The following NAALADL2 variants were observed in gnomAD, a reference collection of about 807,000 sequenced individuals.
NAALADL2 encodes N-acetylated alpha-linked acidic dipeptidase like 2.
Under a neutral mutation model 87.2 loss-of-function variants are expected in NAALADL2, and 76 were observed. The ratio of observed to expected loss-of-function variants is 0.87; its 90% CI spans 0.72 to 1.05. The LOEUF (loss-of-function observed/expected upper bound fraction) is 1.05. Among genes scored for constraint, NAALADL2 ranks in the 50% least tolerant of loss-of-function variants. NAALADL2 has a pLI of 0.00. For synonymous variants in NAALADL2, 354 were observed against 331.0 expected, an observed-to-expected ratio of 1.07 and a Z score of -0.75; for missense variants, 1,089 against 945.8, an observed-to-expected ratio of 1.15 and a Z score of -1.99.
chr3:175,691,475 A>G (rs1737038035), intron 11 of NAALADL2, among the ~76,000 whole-genome samples: 1 of 151,778 alleles, frequency 6.6e-6, no homozygotes, highest in African/African-American at 2.4e-5. Context: ...TTTGGTACCT[A>G]AAGATATTAC....
intron 2 of NAALADL2, among the ~76,000 whole-genome samples, chr3:175,197,265 G>C (rs35963817): frequency 1.3e-5 from 2 of 151,766 alleles, no homozygotes; most frequent in African/African-American, 4.8e-5. Flanking sequence ...ATAAGCCCGC[G>C]TAGAGTCCGT....
intron 3 of NAALADL2, among the ~76,000 whole-genome samples, chr3:174,829,094 TTTTTTG>T (rs1392697267): frequency 2.3e-3 from 329 of 145,132 alleles, no homozygotes; most frequent in East Asian, 0.013. Flanking sequence ...ACATCTGTTT[TTTTTTG>T]TTGTTGTTGT....
At chr3:175,023,243 G>A (rs1215791427) in intron 1 of NAALADL2, among the ~76,000 whole-genome samples, 1 of 145,832 alleles carries the variant, frequency 6.9e-6, no homozygotes, top group Non-Finnish European at 1.5e-5. Context: ...TATCCATTGG[G>A]GATAAATAAA....
At chr3:175,622,120 T>C (rs912612260) in intron 10 of NAALADL2, among the ~76,000 whole-genome samples, 7 of 152,212 alleles carry the variant, frequency 4.6e-5, no homozygotes, top group African/African-American at 1.7e-4. Flanking sequence ...AATTTTCTGA[T>C]ATGTATTAAC....
At chr3:174,509,400 CTTTCTT>C (rs1719439677) in intron 1 of NAALADL2, among the ~76,000 whole-genome samples, 1 of 77,308 alleles carries the variant, frequency 1.3e-5, no homozygotes. Flanking sequence ...CTCTTCCTTT[CTTTCTT>C]TTTTTTTTTT....
chr3:175,326,326 A>C (rs552523315), intron 5 of NAALADL2, among the ~76,000 whole-genome samples: 3 of 152,134 alleles, frequency 2.0e-5, no homozygotes, highest in Non-Finnish European at 4.4e-5. Flanking sequence ...ATGACCATTT[A>C]AGTAATCTCT....
chr3:175,310,719 C>A (rs977974610), intron 4 of NAALADL2, among the ~76,000 whole-genome samples: 22 of 151,684 alleles, frequency 1.5e-4, no homozygotes, highest in Admixed American at 1.4e-3. Context: ...GAGGTTCATG[C>A]ATGTCACTAT....
chr3:174,652,680 A>C (rs765912789), intron 2 of NAALADL2, among the ~76,000 whole-genome samples: 1 of 152,318 alleles, frequency 6.6e-6, no homozygotes, highest in African/African-American at 2.4e-5. Flanking sequence ...GCTATAGTGC[A>C]TGGTGAGATT....
rs1160338109 is a variant in NAALADL2, at chr3:174,797,305, C to CTTTTTTTTTTTTTTTTTT, written c.-9+59566_-9+59583dup. Reference sequence around the variant, plus strand: ...CTTTTTTCTTTTGTTTTTCTTTTTTCTTTTTTTTTTTTTTTTTTTTTTTTG... The same window carrying CTTTTTTTTTTTTTTTTTT: ...CTTTTTTCTTTTGTTTTTCTTTTTTCTTTTTTTTTTTTTTTTTTTTTTTTTTTTTTTTTTTTTTTTTTG... On this transcript the variant is annotated intron_variant, in intron 3 of 3. Coordinates refer to the NAALADL2 transcript ENST00000434257. Among the ~76,000 whole-genome samples the CTTTTTTTTTTTTTTTTTT allele has an allele frequency of 1.1e-3, 83 of 72,708 alleles. 2 individuals are homozygous for CTTTTTTTTTTTTTTTTTT. Among genetic ancestry groups the CTTTTTTTTTTTTTTTTTT allele is most frequent in the African/African-American group, 1.2e-3 (17 of 14,130 alleles). The allele number at this position is 72,708 out of a possible 152,430, so 47.7% of individuals were successfully genotyped here.
Position 174,787,604 on chromosome 3 carries a change from T to TATATATATATATATATACACACAC in NAALADL2, c.-9+49875_-9+49876insCACACACATATATATATATATATA. ...ATATATATATATATATATATATATA[T>TATATATATATATATATACACACAC]ATATATATATATATATAGTAGTGAC... On this transcript the variant is annotated intron_variant, in intron 3 of 3. Transcript: ENST00000434257. 5.7e-5 allele frequency among the ~76,000 whole-genome samples: 5 copies of TATATATATATATATATACACACAC among 87,938 alleles called. 1 individual carries two copies. The South Asian group carries it at 1.5e-3, about 26-fold the overall frequency. The allele number at this position is 87,938 out of a possible 152,430, so 57.7% of individuals were successfully genotyped here.
rs201666045 is a variant in NAALADL2 at position 175,174,774 on chromosome 3, T to TGC, written c.546-59156_546-59155insCG. Among the ~76,000 whole-genome samples, 177 of 130,840 alleles carry TGC rather than the reference T, an allele frequency of 1.4e-3. 3 individuals are homozygous for TGC. The East Asian group carries it at 0.034, about 25-fold the overall frequency. 85.8% of individuals were successfully genotyped at this position (130,840 alleles called of 152,430 possible). Reference sequence around the variant, plus strand: ...TATAAACATATATGCTATTCATGTGTGTGTGTGTGTGTGTATATATATGTG... The same window carrying TGC: ...TATAAACATATATGCTATTCATGTGTGCGTGTGTGTGTGTGTATATATATGTG... On this transcript the variant is annotated intron_variant, in intron 2 of 13. Transcript: ENST00000454872.
intron 2 of NAALADL2, among the ~76,000 whole-genome samples, chr3:175,166,272 A>G (rs1733991841): frequency 6.6e-6 from 1 of 151,986 alleles, no homozygotes; most frequent in South Asian, 2.1e-4. Context: ...ACAAACAAAA[A>G]TTGACAAATC....
intron 5 of NAALADL2, among the ~76,000 whole-genome samples, chr3:175,348,941 G>A (rs550676593): frequency 6.6e-6 from 1 of 152,190 alleles, no homozygotes; most frequent in East Asian, 1.9e-4. Flanking sequence ...GCAAAAAGAA[G>A]AAAATAAAGC....
At chr3:175,424,911 G>A (rs1262372958) in intron 5 of NAALADL2, among the ~76,000 whole-genome samples, 1 of 151,986 alleles carries the variant, frequency 6.6e-6, no homozygotes, top group Non-Finnish European at 1.5e-5. Flanking sequence ...AGACACCTGA[G>A]GTAAATAATT....
chr3:175,359,723 A>G (rs1764770482), intron 5 of NAALADL2, among the ~76,000 whole-genome samples: 1 of 152,146 alleles, frequency 6.6e-6, no homozygotes, highest in Non-Finnish European at 1.5e-5. Context: ...ATTAAACATT[A>G]AATTATATGG....
intron 2 of NAALADL2, among the ~76,000 whole-genome samples, chr3:175,223,345 T>A (rs1189543567): frequency 6.6e-6 from 1 of 151,978 alleles, no homozygotes; most frequent in African/African-American, 2.4e-5. Context: ...GTTTGATTTT[T>A]TTTTTTTTTC....
At chr3:174,978,210 G>A (rs552882165) in intron 1 of NAALADL2, among the ~76,000 whole-genome samples, 258 of 152,194 alleles carry the variant, frequency 1.7e-3, no homozygotes, top group Non-Finnish European at 2.9e-3. Flanking sequence ...ACTATCAAGC[G>A]TGACAATGTG....
At chr3:175,052,503 A>G (rs918122353) in intron 1 of NAALADL2, among the ~76,000 whole-genome samples, 4 of 152,276 alleles carry the variant, frequency 2.6e-5, no homozygotes, top group Non-Finnish European at 5.9e-5. Context: ...AGACTATACA[A>G]AGACAAACAA....
chr3:174,506,951 T>C (rs1719243116), intron 1 of NAALADL2, among the ~76,000 whole-genome samples: 1 of 152,014 alleles, frequency 6.6e-6, no homozygotes, highest in African/African-American at 2.4e-5. Context: ...ATTTGTCTCA[T>C]TTATATTTTA....
Sources: allele counts gnomAD v4.1 joint callset (sites outside exome capture counted in the v4.1 genomes callset), GRCh38; gene constraint gnomAD v4.1.1; transcripts MANE v1.5; gene names NCBI Gene and HGNC (gene_info 2026-07-23, HGNC 2026-07-21).